NAV3: variants seen among roughly 807,000 people sequenced by gnomAD.
The protein encoded by NAV3 is neuron navigator 3.
NAV3 carries 87 observed loss-of-function variants against 244.7 expected under a neutral mutation model. That is an observed-to-expected ratio of 0.36 (90% CI 0.30 to 0.42). The LOEUF (loss-of-function observed/expected upper bound fraction) is 0.42. NAV3 is among the 20% of genes least tolerant of loss of function. The pLI, the probability that NAV3 is intolerant of heterozygous loss-of-function variation, is 1.00. For missense variants in NAV3, 2,663 were observed against 2,893.3 expected, an observed-to-expected ratio of 0.92 and a Z score of 1.83; for synonymous variants, 1,126 against 1,042.2, an observed-to-expected ratio of 1.08 and a Z score of -1.55.
At chr12:77,609,581 G>A (rs74631722) in intron 2 of NAV3, among the ~76,000 whole-genome samples, 7,868 of 152,074 alleles carry the variant, frequency 0.052, 236 homozygotes, top group Middle Eastern at 0.16. Flanking sequence ...TATAGGGCCC[G>A]ATCCCTGAGT....
At chr12:77,654,137 G>A (rs1213979940) in intron 2 of NAV3, among the ~76,000 whole-genome samples, 2 of 152,126 alleles carry the variant, frequency 1.3e-5, no homozygotes, top group Non-Finnish European at 1.5e-5. Context: ...TGCGTGAGCC[G>A]AAGCAGGGCG....
intron 1 of NAV3, among the ~76,000 whole-genome samples, chr12:77,937,529 C>T (rs73144269): frequency 1.4e-3 from 211 of 152,196 alleles, no homozygotes; most frequent in Admixed American, 2.4e-3. Flanking sequence ...TTAATGTTAT[C>T]ATAAAACAAA....
At chr12:77,805,972 C>A (rs1315994670) in intron 2 of NAV3, among the ~76,000 whole-genome samples, 1 of 152,094 alleles carries the variant, frequency 6.6e-6, no homozygotes, top group Non-Finnish European at 1.5e-5. Flanking sequence ...TTATTGTATT[C>A]TCTGATGGTA....
intron 1 of NAV3, among the ~76,000 whole-genome samples, chr12:77,849,829 C>T (rs1012679856): frequency 2.0e-5 from 3 of 152,062 alleles, no homozygotes; most frequent in Non-Finnish European, 4.4e-5. Flanking sequence ...TACCCCAATC[C>T]AATGGTGGTC....
chr12:77,741,148 C>CAAAAAAAAAAAAAAAAAAAAAAAAAAGA, intron 2 of NAV3, among the ~76,000 whole-genome samples: 5 of 68,668 alleles, frequency 7.3e-5, no homozygotes, highest in African/African-American at 2.4e-4. Context: ...AAAAAAAAGA[C>CAAAAAAAAAAAAAAAAAAAAAAAAAAGA]AAAAAAAAAA....
intron 35 of NAV3, among the ~76,000 whole-genome samples, chr12:78,197,709 A>T (rs1233306781): frequency 6.6e-6 from 1 of 151,886 alleles, no homozygotes; most frequent in Non-Finnish European, 1.5e-5. Context: ...AAGACTCCAT[A>T]TGCATTCCTT....
chr12:78,171,283 G>A lies in NAV3; in HGVS notation c.4981+2417G>A, dbSNP rs147917676. Among the ~76,000 whole-genome samples, 584 of 151,688 alleles carry A rather than the reference G, an allele frequency of 3.9e-3. 4 individuals carry two copies. The highest frequency in any genetic ancestry group is 5.9e-3 in the Non-Finnish European group (400 of 67,734). On this transcript the variant is annotated intron_variant, in intron 24 of 39. Transcript: ENST00000397909. The stretch of plus-strand genomic sequence containing the variant: ...AGCTTATGTTCTAAATCTTCATGTC[G>A]TAAATAGGTCCAGAAGGGATTTAAA...
At chr12:78,068,731 C>G (rs1952606856) in intron 12 of NAV3, among the ~76,000 whole-genome samples, 1 of 149,528 alleles carries the variant, frequency 6.7e-6, no homozygotes. Flanking sequence ...ACTGAAATAT[C>G]TATTTCTAAC....
intron 12 of NAV3, among the ~76,000 whole-genome samples, chr12:78,110,999 G>A (rs190923379): frequency 6.6e-6 from 1 of 152,080 alleles, no homozygotes; most frequent in East Asian, 1.9e-4. Context: ...TGGAAAGGTA[G>A]GTAGGAAACA....
chr12:77,941,816 TG>T (rs1381822135), intron 3 of NAV3, among the ~76,000 whole-genome samples: 1 of 152,150 alleles, frequency 6.6e-6, no homozygotes. Context: ...AAATATAAAA[TG>T]CCTTAACTAA....
intron 2 of NAV3, among the ~76,000 whole-genome samples, chr12:77,771,094 G>A (rs1468450345): frequency 6.6e-6 from 1 of 152,162 alleles, no homozygotes; most frequent in African/African-American, 2.4e-5. Flanking sequence ...CCATCAAAAA[G>A]TGGGCGAAGG....
chr12:77,890,534 A>G (rs1883809646), intron 1 of NAV3, among the ~76,000 whole-genome samples: 1 of 152,174 alleles, frequency 6.6e-6, no homozygotes, highest in Non-Finnish European at 1.5e-5. Context: ...TTTATATGTT[A>G]GCTTGTATTT....
chr12:78,064,462 CCTGT>C (rs1566082418), intron 12 of NAV3, among the ~76,000 whole-genome samples: 1 of 149,962 alleles, frequency 6.7e-6, no homozygotes, highest in African/African-American at 2.5e-5. Flanking sequence ...TGCCTGCCTG[CCTGT>C]CTGTCTATAT....
chr12:78,097,622 A>G (rs1443676716), intron 12 of NAV3, among the ~76,000 whole-genome samples: 1 of 152,212 alleles, frequency 6.6e-6, no homozygotes, highest in Non-Finnish European at 1.5e-5. Flanking sequence ...ATCCCAAAGC[A>G]AAAATCAATT....
intron 8 of NAV3, among the ~76,000 whole-genome samples, chr12:78,019,606 C>T (rs1295730655): frequency 6.6e-6 from 1 of 152,044 alleles, no homozygotes; most frequent in Non-Finnish European, 1.5e-5. Flanking sequence ...TGAGCTAAGA[C>T]TTGGAGGGAA....
chr12:77,680,049 G>A (rs1874381926), intron 2 of NAV3, among the ~76,000 whole-genome samples: 1 of 152,146 alleles, frequency 6.6e-6, no homozygotes, highest in Non-Finnish European at 1.5e-5. Flanking sequence ...AAGTGAAAGG[G>A]AAACTTTTGA....
intron 5 of NAV3, among the ~76,000 whole-genome samples, chr12:77,975,862 G>T (rs183052626): frequency 4.6e-5 from 7 of 152,202 alleles, no homozygotes; most frequent in African/African-American, 1.7e-4. Flanking sequence ...CATATTGGCT[G>T]CTGTGTTGAA....
At chr12:77,634,581 A>G (rs1294146407) in intron 2 of NAV3, among the ~76,000 whole-genome samples, 2 of 152,196 alleles carry the variant, frequency 1.3e-5, no homozygotes, top group Non-Finnish European at 1.5e-5. Flanking sequence ...TTGCAAGAAC[A>G]TTTATATTTT....
At chr12:77,726,695 G>A (rs553566053) in intron 2 of NAV3, among the ~76,000 whole-genome samples, 87 of 151,988 alleles carry the variant, frequency 5.7e-4, no homozygotes, top group African/African-American at 2.0e-3. Flanking sequence ...GGGAAAGAGT[G>A]TTTGAGGCAA....
Sources: gnomAD v4.1 joint callset for allele counts (sites outside exome capture counted in the v4.1 genomes callset) on GRCh38, gnomAD v4.1.1 for gene constraint, MANE v1.5 for transcripts, NCBI Gene and HGNC (gene_info 2026-07-23, HGNC 2026-07-21) for gene names.